CADM4: variants seen among roughly 807,000 people sequenced by gnomAD.
CADM4 encodes cell adhesion molecule 4.
In CADM4, 13 loss-of-function variants were observed where a neutral mutation model predicts 43.9. The ratio of observed to expected loss-of-function variants is 0.30; its 90% CI spans 0.19 to 0.47. CADM4 has a LOEUF of 0.47. Ranked by LOEUF, CADM4 falls within the 20% of genes least tolerant of loss-of-function variation. The probability of loss-of-function intolerance (pLI) is 1.00; values close to 1 mark genes in which losing one functional copy is unlikely to be tolerated. For synonymous variants in CADM4, 209 were observed against 220.9 expected, an observed-to-expected ratio of 0.95 and a Z score of 0.48; for missense variants, 420 against 527.0, an observed-to-expected ratio of 0.80 and a Z score of 1.99.
chr19:43,641,038 G>A (rs547835152), upstream of CADM4, among the ~76,000 whole-genome samples: 82 of 145,192 alleles, frequency 5.6e-4, no homozygotes, highest in African/African-American at 1.2e-3. Flanking sequence ...GCACGATCTC[G>A]ACTCACTGCA....
chr19:43,639,823 C>A lies in CADM4; in HGVS notation c.-33G>T, dbSNP rs1257123828. Reference sequence around the variant, plus strand: ...CCGCCGCCGCCGCCGCCGCTCGCTCCCGGCCCGGCACCTGCACCGCCCGCG... The same window carrying A: ...CCGCCGCCGCCGCCGCCGCTCGCTCACGGCCCGGCACCTGCACCGCCCGCG... On this transcript the variant is annotated 5_prime_UTR_variant, in exon 1 of 9. Transcript: ENST00000222374. The A allele has an allele frequency of 7.1e-6, 7 of 992,884 alleles. No individual in the cohort carries two copies. The highest frequency in any genetic ancestry group is 8.3e-6 in the Non-Finnish European group (7 of 839,200). 61.5% of individuals were successfully genotyped at this position (992,884 alleles called of 1,614,324 possible). A position where few individuals can be genotyped will look rare whatever the true frequency, so the allele number is the denominator to read the frequency against.
intron 1 of CADM4, among the ~76,000 whole-genome samples, chr19:43,629,899 G>A (rs966141789): frequency 7.3e-5 from 11 of 151,404 alleles, no homozygotes; most frequent in African/African-American, 1.5e-4. Context: ...TTACAGGTGC[G>A]ACCCACCGCG....
chr19:43,623,963 C>T lies in CADM4; in HGVS notation c.1057+151G>A. 1.1e-6 allele frequency: 1 copy of T among 919,930 alleles called. No homozygotes were observed. 57.0% of individuals were successfully genotyped at this position (919,930 alleles called of 1,614,324 possible). ...CCCTTTTCGAGTATTGTGCCGAAAG[C>T]CCCGCCCCCTTTGTCATCTCCGCCC... is the stretch of plus-strand genomic sequence containing the variant. On this transcript the variant is annotated intron_variant, in intron 8 of 8. Transcript: ENST00000222374. The surrounding 1 kb of genome is among the most constrained non-coding windows in gnomAD (Gnocchi z 4.4).
chr19:43,634,614 G>A (rs919580042), intron 1 of CADM4, among the ~76,000 whole-genome samples: 8 of 152,022 alleles, frequency 5.3e-5, no homozygotes, highest in Middle Eastern at 3.4e-3. Context: ...TGGGGGTGGT[G>A]GGGGCGGGAC....
intron 1 of CADM4, among the ~76,000 whole-genome samples, chr19:43,634,849 T>C (rs544120615): frequency 2.8e-4 from 42 of 148,802 alleles, no homozygotes; most frequent in Non-Finnish European, 3.7e-4. Flanking sequence ...TCCATCAGGT[T>C]CCAGGAGTCT....
chr19:43,627,212 G>A lies in CADM4; in HGVS notation c.318C>T (p.Leu106=), dbSNP rs34401345. 1.3e-4 allele frequency: 202 copies of A among 1,612,460 alleles called. 2 individuals carry two copies. In the African/African-American group the frequency reaches 2.3e-3, roughly 19 times the overall value. ...TCTGGTGGTGGGTGTCTTCTGTGTA[G>A]AGCTGGCAGAAATAGCCCCCCTCGT... The part of the protein sequence containing the change: ...LEDEGGYFCQ[L]YTEDTHHQIA... The change falls in exon 3 of 9, where the codon CTC becomes CTT. Residue 106 remains leucine (L), a synonymous_variant. Transcript: ENST00000222374. This position sits in a 1 kb window ranked among gnomAD's most constrained non-coding sequence, Gnocchi z 4.0.
In CADM4 at chr19:43,623,327, G is replaced by A. The variant is rs1375760416; in HGVS notation, c.*3C>T. ...CAGGCCTAGGCCTGGGGTGGGGATA[G>A]GGTCAGATGAAGAATTCCTCTTTCC... On this transcript the variant is annotated 3_prime_UTR_variant, in exon 9 of 9. Transcript: ENST00000222374. This position sits in a 1 kb window ranked among gnomAD's most constrained non-coding sequence, Gnocchi z 4.4. The A allele has an allele frequency of 2.5e-6, 4 of 1,611,988 alleles. No individual in the cohort carries two copies. The highest frequency in any genetic ancestry group is 8.5e-7 in the Non-Finnish European group (1 of 1,178,390).
At chr19:43,634,375 G>A (rs144041047) in intron 1 of CADM4, among the ~76,000 whole-genome samples, 14 of 152,288 alleles carry the variant, frequency 9.2e-5, no homozygotes, top group African/African-American at 2.9e-4. Flanking sequence ...TGGAGAATGA[G>A]GCTTAGCGGG....
chr19:43,630,519 C>T (rs1411809184), intron 1 of CADM4, among the ~76,000 whole-genome samples: 1 of 148,420 alleles, frequency 6.7e-6, no homozygotes, highest in Non-Finnish European at 1.5e-5. Context: ...CTCCTGACCT[C>T]GTGATCCACC....
At position 43,623,423 on chromosome 19, in the gene CADM4, G is replaced by C. The variant is rs148888521; in HGVS notation, c.1074C>G (p.His358Gln). 4 of 1,613,960 alleles carry C rather than the reference G, an allele frequency of 2.5e-6. No individual in the cohort carries two copies. Among genetic ancestry groups the C allele is most frequent in the Non-Finnish European group, 3.4e-6 (4 of 1,179,880 alleles). Residue 358 changes from histidine (H) to glutamine (Q), a missense_variant, in exon 9 of 9, where the codon CAC becomes CAG. Physicochemically the swap from His to Gln is conservative, Grantham distance 24. Coordinates refer to ENST00000222374, the MANE Select transcript of CADM4 (RefSeq NM_145296.2). The surrounding 1 kb of genome is among the most constrained non-coding windows in gnomAD (Gnocchi z 4.4). ...SVRQKGSYLT[H>Q]EASGLDEQGE... is the part of the protein sequence containing the mutation. The stretch of plus-strand genomic sequence containing the variant: ...CCTGTTCATCCAAGCCACTGGCTTC[G>C]TGGGTCAGATAGGAACCTGAGGGGG...
In CADM4 at chr19:43,625,272, T is replaced by C; in HGVS notation, c.756-22A>G. ...TGGCCTGGGTGGGGATAAAGTATAG[T>C]GAGAGTTAGGAACCGAGGTGCCAGC... On this transcript the variant is annotated intron_variant, in intron 6 of 8. Coordinates refer to ENST00000222374, the MANE Select transcript of CADM4 (RefSeq NM_145296.2). This position sits in a 1 kb window ranked among gnomAD's most constrained non-coding sequence, Gnocchi z 4.5. 6.2e-7 allele frequency: 1 copy of C among 1,602,234 alleles called. No individual in the cohort carries two copies. The highest frequency in any genetic ancestry group is 8.5e-7 in the Non-Finnish European group (1 of 1,172,234).
chr19:43,624,384 T>G, intron 7 of CADM4, 142 bp from the exon 8 acceptor site: 1 of 953,248 alleles, frequency 1.0e-6, no homozygotes, highest in Non-Finnish European at 1.6e-6. Context: ...TACTGCCACC[T>G]TGTAGTCTCT....
intron 1 of CADM4, among the ~76,000 whole-genome samples, chr19:43,628,051 A>G (rs1313871404): frequency 6.6e-6 from 1 of 152,164 alleles, no homozygotes; most frequent in African/African-American, 2.4e-5. Context: ...AGAGCAAGGG[A>G]GGACTATTAT....
chr19:43,627,266 C>T lies in CADM4; in HGVS notation c.264G>A (p.Arg88=). ...CCAGGCGGGCATCTGAGAGCCGGAT[C>T]CGCACCCGGCGTGGGGAGAACTCCT... ...QLEEFSPRRV[R]IRLSDARLED... Residue 88 remains arginine, a synonymous_variant, in exon 3 of 9, where the codon CGG becomes CGA. Transcript: ENST00000222374. This position sits in a 1 kb window ranked among gnomAD's most constrained non-coding sequence, Gnocchi z 4.0. 1.2e-6 allele frequency: 2 copies of T among 1,612,240 alleles called. No homozygotes were observed. The highest frequency in any genetic ancestry group is 1.7e-6 in the Non-Finnish European group (2 of 1,179,024).
chr19:43,625,172 C>T lies in CADM4; in HGVS notation c.834G>A (p.Leu278=), dbSNP rs758073140. The T allele has an allele frequency of 1.9e-6, 3 of 1,614,074 alleles. No homozygotes were observed. The African/African-American group carries it at 4.0e-5, about 22-fold the overall frequency. Residue 278 remains leucine (L), a synonymous_variant, in exon 7 of 9, where the codon CTG becomes CTA. Coordinates refer to ENST00000222374, the MANE Select transcript of CADM4 (RefSeq NM_145296.2). This position sits in a 1 kb window ranked among gnomAD's most constrained non-coding sequence, Gnocchi z 4.5. The part of the protein sequence containing the change: ...RAEAVGETLT[L]PGLVSADNGT... Reference sequence around the variant, plus strand: ...CGTTATCCGCGGATACCAGACCCGGCAGCGTGAGCGTCTCTCCCACGGCCT... The same window carrying T: ...CGTTATCCGCGGATACCAGACCCGGTAGCGTGAGCGTCTCTCCCACGGCCT...
chr19:43,641,834 C>T (rs1973773731), upstream of CADM4, among the ~76,000 whole-genome samples: 1 of 152,188 alleles, frequency 6.6e-6, no homozygotes, highest in South Asian at 2.1e-4. Flanking sequence ...CTTTGGAATA[C>T]TGGTCCAAGG....
rs1973532723 is a variant in CADM4, at chr19:43,626,641, GCGTGAGCCACCGCGCTCGA to G, written c.499+124_499+142del. 9.0e-7 allele frequency: 1 copy of G among 1,115,890 alleles called. No homozygotes were observed. Among genetic ancestry groups the G allele is most frequent in the African/African-American group, 1.6e-5 (1 of 63,538 alleles). 69.1% of individuals were successfully genotyped at this position (1,115,890 alleles called of 1,614,324 possible). A position where few individuals can be genotyped will look rare whatever the true frequency, so the allele number is the denominator to read the frequency against. On this transcript the variant is annotated intron_variant, in intron 4 of 8. Transcript: ENST00000222374. This position sits in a 1 kb window ranked among gnomAD's most constrained non-coding sequence, Gnocchi z 5.9. ...GCCTCCCAAAGTGCTAGGACTACAG[GCGTGAGCCACCGCGCTCGA>G]CATCAACCACTACATATTGAATGTC...
chr19:43,625,398 AAC>A lies in CADM4; in HGVS notation c.756-150_756-149del. 3.6e-6 allele frequency: 3 copies of A among 831,192 alleles called. No individual in the cohort carries two copies. The highest frequency in any genetic ancestry group is 5.4e-6 in the Non-Finnish European group (3 of 551,160). The allele number at this position is 831,192 out of a possible 1,614,324, so 51.5% of individuals were successfully genotyped here. A position where few individuals can be genotyped will look rare whatever the true frequency, so the allele number is the denominator to read the frequency against. ...CTATCTCTTTCCTTTCTGGAAAACC[AAC>A]AGTCCTGGGCCTACTTCCACCCATC... is the stretch of plus-strand genomic sequence containing the variant. On this transcript the variant is annotated intron_variant, in intron 6 of 8. Transcript: ENST00000222374. The surrounding 1 kb of genome is among the most constrained non-coding windows in gnomAD (Gnocchi z 4.5).
At chr19:43,630,533 C>T (rs191014101) in intron 1 of CADM4, among the ~76,000 whole-genome samples, 15 of 149,428 alleles carry the variant, frequency 1.0e-4, no homozygotes, top group Admixed American at 2.0e-4. Context: ...ATCCACCCGC[C>T]TCGGCCTCCC....
Sources: gnomAD v4.1 joint callset for allele counts (sites outside exome capture counted in the v4.1 genomes callset) on GRCh38, gnomAD v4.1.1 for gene constraint, Gnocchi (gnomAD v3.1) non-coding constraint, MANE v1.5 for transcripts, NCBI Gene and HGNC (gene_info 2026-07-23, HGNC 2026-07-21) for gene names.